Variants in PRKX observed in about 807,000 individuals in gnomAD.
The protein encoded by PRKX is cAMP-dependent protein kinase catalytic subunit PRKX.
Under a neutral mutation model 22.0 loss-of-function variants are expected in PRKX, and 12 were observed. The ratio of observed to expected loss-of-function variants is 0.54; its 90% CI spans 0.35 to 0.88. PRKX has a LOEUF of 0.88. PRKX is among the 40% of genes least tolerant of loss of function. The probability of loss-of-function intolerance (pLI) is 0.01; values close to 1 mark genes in which losing one functional copy is unlikely to be tolerated. For synonymous variants in PRKX, 134 were observed against 137.7 expected, an observed-to-expected ratio of 0.97 and a Z score of 0.19; for missense variants, 217 against 308.0, an observed-to-expected ratio of 0.70 and a Z score of 2.21.
intron 1 of PRKX, among the ~76,000 whole-genome samples, chrX:3,683,016 G>A (rs892982877): frequency 5.8e-4 from 64 of 110,496 alleles, no homozygotes; most frequent in African/African-American, 2.0e-3. Context: ...GCAGTGATGC[G>A]GCCACAAGCT....
chrX:3,634,200 A>C, intron 4 of PRKX, among the ~76,000 whole-genome samples: 1 of 110,866 alleles, frequency 9.0e-6, no homozygotes. Context: ...CAGTGAGCCG[A>C]GATCGCGCCA....
chrX:3,674,286 A>G (rs1276946349), intron 2 of PRKX, among the ~76,000 whole-genome samples: 1 of 111,722 alleles, frequency 9.0e-6, no homozygotes, highest in Non-Finnish European at 1.9e-5. Flanking sequence ...CAAGGAGGTG[A>G]GGAGACAAAG....
intron 1 of PRKX, among the ~76,000 whole-genome samples, chrX:3,679,310 G>C (rs1928025726): frequency 8.9e-6 from 1 of 111,933 alleles, no homozygotes; most frequent in Non-Finnish European, 1.9e-5. Flanking sequence ...GTGAGAACAT[G>C]CAATATCTGG....
intron 1 of PRKX, among the ~76,000 whole-genome samples, chrX:3,712,716 G>T (rs1603475030): frequency 1.8e-5 from 2 of 112,534 alleles, no homozygotes; most frequent in South Asian, 7.3e-4. Flanking sequence ...GTGTCCCTGG[G>T]GCCGCTGCCA....
intron 1 of PRKX, among the ~76,000 whole-genome samples, chrX:3,698,464 G>A (rs73440576): frequency 0.054 from 6,034 of 111,116 alleles, 411 homozygotes; most frequent in African/African-American, 0.18. Flanking sequence ...TGCAATTACA[G>A]GCATGAGCCA....
At chrX:3,643,567 G>A (rs1283569808) in intron 3 of PRKX, among the ~76,000 whole-genome samples, 12 of 110,615 alleles carry the variant, frequency 1.1e-4, no homozygotes, top group Admixed American at 6.8e-4. Flanking sequence ...GCACAAATGC[G>A]GGCCACATCC....
At position 3,604,724 on chromosome X, in the gene PRKX, A is replaced by G. The variant is rs1926124544; in HGVS notation, c.*4245T>C. On this transcript the variant is annotated 3_prime_UTR_variant, in exon 9 of 9. Transcript: ENST00000262848. ...AAGAATTCAGCTACGACAGTTGAGC[A>G]GAGCTCAACAGCCATCTCAGAGCAC... is the stretch of plus-strand genomic sequence containing the variant. 8.9e-6 allele frequency: 1 copy of G among 112,272 alleles called. No homozygotes were observed. The highest frequency in any genetic ancestry group is 1.9e-5 in the Non-Finnish European group (1 of 53,278). 9.3% of individuals were successfully genotyped at this position (112,272 alleles called of 1,213,427 possible). A position where few individuals can be genotyped will look rare whatever the true frequency, so the allele number is the denominator to read the frequency against.
Position 3,692,527 on chromosome X carries a change from C to CTT in PRKX, c.167-17763_167-17762dup, listed in dbSNP as rs34719641. On this transcript the variant is annotated intron_variant, in intron 1 of 8. Transcript: ENST00000262848. ...AGGCTATGGAGAGTAAGCAACTGAA[C>CTT]TTTTTTTTTTTTTTTTTTGAGACGG... Among the ~76,000 whole-genome samples the CTT allele has an allele frequency of 6.6e-3, 623 of 94,080 alleles. 10 individuals carry two copies. The highest frequency in any genetic ancestry group is 0.02 in the African/African-American group (534 of 26,050). The allele number at this position is 94,080 out of a possible 115,157, so 81.7% of individuals were successfully genotyped here. A position where few individuals can be genotyped will look rare whatever the true frequency, so the allele number is the denominator to read the frequency against.
At chrX:3,618,634 AAT>A (rs1248382163) in intron 6 of PRKX, among the ~76,000 whole-genome samples, 1 of 94,167 alleles carries the variant, frequency 1.1e-5, no homozygotes, top group Non-Finnish European at 2.2e-5. Context: ...AAAAAAATAA[AAT>A]AAAGTCAGTG....
intron 1 of PRKX, 41 bp downstream of exon 1, chrX:3,713,047 G>T: frequency 8.8e-7 from 1 of 1,131,167 alleles, no homozygotes. Context: ...CGGCCACGCC[G>T]CGCGCCCCTG....
chrX:3,653,192 G>A (rs60826563), intron 3 of PRKX, among the ~76,000 whole-genome samples: 31,287 of 110,305 alleles, frequency 0.28, 3,512 homozygotes, highest in African/African-American at 0.38. Flanking sequence ...ATGAGGTCAC[G>A]AAGGTGGAGT....
At chrX:3,710,767 C>T (rs6567592) in intron 1 of PRKX, among the ~76,000 whole-genome samples, 44,215 of 110,947 alleles carry the variant, frequency 0.4, 6,567 homozygotes, top group Admixed American at 0.55. Context: ...TTCAGTACTC[C>T]TGCGGGTGCT....
intron 4 of PRKX, among the ~76,000 whole-genome samples, chrX:3,627,590 T>C (rs1350942934): frequency 1.8e-5 from 2 of 108,530 alleles, no homozygotes; most frequent in African/African-American, 6.7e-5. Context: ...GCCTTCCAAG[T>C]AGCTGGGATC....
chrX:3,689,700 G>C (rs775543923), intron 1 of PRKX, among the ~76,000 whole-genome samples: 22 of 111,232 alleles, frequency 2.0e-4, no homozygotes, highest in Non-Finnish European at 4.2e-4. Flanking sequence ...TGAATGGGCT[G>C]GGCGCGGTGG....
intron 1 of PRKX, among the ~76,000 whole-genome samples, chrX:3,703,764 C>T (rs1248449340): frequency 1.0e-4 from 11 of 104,771 alleles, no homozygotes; most frequent in Admixed American, 2.1e-4. Flanking sequence ...CTCTATCTCC[C>T]GGGTTCAAGT....
intron 1 of PRKX, among the ~76,000 whole-genome samples, chrX:3,677,643 TTTAC>T (rs1927991846): frequency 1.8e-5 from 2 of 112,062 alleles, no homozygotes; most frequent in South Asian, 7.3e-4. Flanking sequence ...AGCTACCAAT[TTTAC>T]TTAGAGTATT....
Position 3,711,008 on chromosome X carries a change from G to C in PRKX, c.166+2080C>G, listed in dbSNP as rs189126420. ...GACACAATCGTGAAGGATCTAAAAG[G>C]CTTAGGATTTTATAAAATGTATTAT... On this transcript the variant is annotated intron_variant, in intron 1 of 8. Coordinates refer to ENST00000262848, the MANE Select transcript of PRKX (RefSeq NM_005044.5). Among the ~76,000 whole-genome samples, 26 of 111,563 alleles carry C rather than the reference G, an allele frequency of 2.3e-4. No individual in the cohort carries two copies. In the East Asian group the frequency reaches 6.2e-3, roughly 27 times the overall value.
chrX:3,630,231 A>G (rs961549327), intron 4 of PRKX, among the ~76,000 whole-genome samples: 4 of 112,606 alleles, frequency 3.6e-5, no homozygotes, highest in Non-Finnish European at 7.5e-5. Context: ...TCAGTCTGCT[A>G]TAAAGAACTA....
intron 2 of PRKX, among the ~76,000 whole-genome samples, chrX:3,671,391 G>A (rs1324107040): frequency 9.0e-6 from 1 of 111,154 alleles, no homozygotes; most frequent in Non-Finnish European, 1.9e-5. Context: ...CACCGAGCTC[G>A]GCCCCAAATC....
Sources: allele counts gnomAD v4.1 joint callset (sites outside exome capture counted in the v4.1 genomes callset), GRCh38; gene constraint gnomAD v4.1.1; transcripts MANE v1.5; gene names NCBI Gene and HGNC (gene_info 2026-07-23, HGNC 2026-07-21).